Variants in XKR9 observed in about 807,000 individuals in gnomAD.
The protein encoded by XKR9 is XK-related protein 9.
A neutral mutation model predicts 32.0 loss-of-function variants in XKR9; 32 were observed. The observed-to-expected ratio is 1.00, with a 90% confidence interval of 0.76 to 1.34. The LOEUF (loss-of-function observed/expected upper bound fraction) is 1.34. Ranked by LOEUF, XKR9 falls within the 40% of genes most tolerant of loss-of-function variation. The pLI, the probability that XKR9 is intolerant of heterozygous loss-of-function variation, is 0.00. For synonymous variants in XKR9, 168 were observed against 143.4 expected, an observed-to-expected ratio of 1.17 and a Z score of -1.22; for missense variants, 546 against 429.7, an observed-to-expected ratio of 1.27 and a Z score of -2.39.
the XKR9 span, among the ~76,000 whole-genome samples, chr8:70,868,499 C>T: frequency 6.6e-6 from 1 of 151,886 alleles, no homozygotes; most frequent in Non-Finnish European, 1.5e-5. Flanking sequence ...AAGCTATGGC[C>T]CGAGCTCTAC....
the XKR9 span, among the ~76,000 whole-genome samples, chr8:70,853,254 G>A: frequency 6.6e-6 from 1 of 152,052 alleles, no homozygotes; most frequent in African/African-American, 2.4e-5. Flanking sequence ...GTCTGGGAAT[G>A]GCAGTGAGGC....
At chr8:70,953,499 A>G in the XKR9 span, among the ~76,000 whole-genome samples, 1 of 152,016 alleles carries the variant, frequency 6.6e-6, no homozygotes. Flanking sequence ...TTTTGTAGAG[A>G]TAGGGTCTCC....
chr8:70,980,820 T>C, the XKR9 span, among the ~76,000 whole-genome samples: 2 of 152,224 alleles, frequency 1.3e-5, no homozygotes, highest in African/African-American at 4.8e-5. Flanking sequence ...ACCGTTCTTG[T>C]AGTGCTGGCT....
At position 70,734,333 on chromosome 8, in the gene XKR9, AC is replaced by A. The variant is rs747748695; in HGVS notation, c.1034del (p.Pro345GlnfsTer18). 2 of 1,612,306 alleles carry A rather than the reference AC, an allele frequency of 1.2e-6. No homozygotes were observed. Among genetic ancestry groups the A allele is most frequent in the South Asian group, 2.2e-5 (2 of 90,968 alleles). ...LFLIVYYGSF[H>X]PNRSAETKCD... The stretch of plus-strand genomic sequence containing the variant: ...CTTATTGTTTATTATGGGAGTTTTC[AC>A]CCAAACAGAAGTGCAGAAACAAAAT... On this transcript the variant is annotated frameshift_variant, in exon 5 of 5. Transcript: ENST00000408926. LOFTEE classifies it high-confidence loss of function.
intron 3 of XKR9, chr8:70,683,414 T>A (rs1246859317): frequency 5.5e-6 from 2 of 362,942 alleles, no homozygotes; most frequent in Non-Finnish European, 1.1e-5. Context: ...GAATTTTGTT[T>A]ATGTTTACCC....
chr8:70,670,446 T>C lies in XKR9; in HGVS notation c.-361+908T>C, dbSNP rs374664806. The C allele has an allele frequency of 1.6e-4, 24 of 152,174 alleles. No individual in the cohort carries two copies. The East Asian group carries it at 1.7e-3, about 11-fold the overall frequency. 9.4% of individuals were successfully genotyped at this position (152,174 alleles called of 1,614,324 possible). On this transcript the variant is annotated intron_variant, in intron 1 of 4. Coordinates refer to ENST00000408926, the MANE Select transcript of XKR9 (RefSeq NM_001011720.2). ...TCCTGTAGACAGTTCCATCGAGTTA[T>C]GACAATTGTATGTAATCACTGCCCC...
chr8:70,955,711 A>G, the XKR9 span, among the ~76,000 whole-genome samples: 1 of 152,158 alleles, frequency 6.6e-6, no homozygotes, highest in African/African-American at 2.4e-5. Flanking sequence ...TGCTTGGCTC[A>G]TGGTCCTGGC....
chr8:70,956,477 C>G, the XKR9 span, among the ~76,000 whole-genome samples: 1 of 152,160 alleles, frequency 6.6e-6, no homozygotes, highest in East Asian at 1.9e-4. Flanking sequence ...CTCCAGGTGC[C>G]CACTTTGCCC....
chr8:70,989,443 A>G, the XKR9 span, among the ~76,000 whole-genome samples: 1 of 152,224 alleles, frequency 6.6e-6, no homozygotes, highest in South Asian at 2.1e-4. Flanking sequence ...CAGTAGGGAA[A>G]TGCTATTTTG....
the XKR9 span, among the ~76,000 whole-genome samples, chr8:70,991,560 C>T: frequency 1.3e-5 from 2 of 152,162 alleles, no homozygotes; most frequent in Non-Finnish European, 2.9e-5. Context: ...GAAACACTGG[C>T]TTAAAGTTAA....
the XKR9 span, among the ~76,000 whole-genome samples, chr8:70,879,044 C>T: frequency 3.7e-3 from 565 of 152,236 alleles, 3 homozygotes; most frequent in African/African-American, 0.013. Context: ...ACAACTTGCT[C>T]CTGAATGACT....
At chr8:70,733,737 G>A in intron 4 of XKR9, 59 bp from the exon 5 acceptor site, 2 of 1,392,436 alleles carry the variant, frequency 1.4e-6, no homozygotes, top group Non-Finnish European at 1.9e-6. Flanking sequence ...ATGGGATATA[G>A]TAATCTAATA....
chr8:70,749,371 C>T (rs948069971), intron 2 of XKR9, among the ~76,000 whole-genome samples: 1 of 152,248 alleles, frequency 6.6e-6, no homozygotes, highest in African/African-American at 2.4e-5. Context: ...CTCCCCAAGC[C>T]AGGGCTGTGA....
intron 2 of XKR9, among the ~76,000 whole-genome samples, chr8:70,751,000 A>G (rs72667755): frequency 3.0e-4 from 46 of 152,332 alleles, no homozygotes; most frequent in Non-Finnish European, 5.4e-4. Context: ...TGAATAGAGC[A>G]GATGACTTAT....
the XKR9 span, among the ~76,000 whole-genome samples, chr8:70,999,188 A>T: frequency 6.6e-6 from 1 of 152,222 alleles, no homozygotes; most frequent in Non-Finnish European, 1.5e-5. Flanking sequence ...TTGAATAGGT[A>T]TCAGAAGTAG....
chr8:70,717,208 G>A (rs947532029), intron 4 of XKR9, among the ~76,000 whole-genome samples: 3 of 152,178 alleles, frequency 2.0e-5, no homozygotes, highest in Non-Finnish European at 4.4e-5. Flanking sequence ...AGCTGTTAGT[G>A]GAGATGCCAT....
At chr8:70,738,210 G>A (rs1806898902), downstream of XKR9, among the ~76,000 whole-genome samples, 1 of 135,026 alleles carries the variant, frequency 7.4e-6, no homozygotes, top group Admixed American at 7.3e-5. Context: ...GGGTGTATGT[G>A]TCAAGGAATT....
chr8:70,776,954 T>TATATATATAC (rs1554556865), intron 2 of XKR9, among the ~76,000 whole-genome samples: 48 of 89,296 alleles, frequency 5.4e-4, no homozygotes, highest in Admixed American at 1.3e-3. Flanking sequence ...TCTCTATATA[T>TATATATATAC]ATATATATAT....
At chr8:70,704,298 A>G (rs1396352284) in intron 3 of XKR9, among the ~76,000 whole-genome samples, 4 of 152,308 alleles carry the variant, frequency 2.6e-5, no homozygotes, top group South Asian at 2.1e-4. Context: ...TTACCCTCAG[A>G]TAAGCAGAAC....
Sources: gnomAD v4.1 joint callset for allele counts (sites outside exome capture counted in the v4.1 genomes callset) on GRCh38, gnomAD v4.1.1 for gene constraint, MANE v1.5 for transcripts, NCBI Gene and HGNC (gene_info 2026-07-23, HGNC 2026-07-21) for gene names.